NEDD4L: variants seen among roughly 807,000 people sequenced by gnomAD.
NEDD4L encodes E3 ubiquitin-protein ligase NEDD4-like.
A neutral mutation model predicts 148.9 loss-of-function variants in NEDD4L; 54 were observed. That is an observed-to-expected ratio of 0.36 (90% CI 0.29 to 0.45). The LOEUF (loss-of-function observed/expected upper bound fraction) is 0.45, where lower values mean the gene tolerates loss of function less well. NEDD4L is among the 20% of genes least tolerant of loss of function. The pLI, the probability that NEDD4L is intolerant of heterozygous loss-of-function variation, is 1.00. For synonymous variants in NEDD4L, 433 were observed against 440.7 expected (o/e 0.98, Z 0.22); for missense variants, 856 against 1,233.8 (o/e 0.69, Z 4.59).
chr18:58,248,969 A>T, intron 4 of NEDD4L, 32 bp downstream of exon 4: 1 of 1,142,800 alleles, frequency 8.8e-7, no homozygotes, highest in Non-Finnish European at 1.3e-6. Flanking sequence ...AATAATTGTT[A>T]TTGATACGTC....
intron 5 of NEDD4L, among the ~76,000 whole-genome samples, chr18:58,261,752 A>G (rs1285564103): frequency 8.5e-5 from 13 of 152,222 alleles, no homozygotes; most frequent in Admixed American, 6.5e-5. Flanking sequence ...TGGTAATGCT[A>G]CTTGTGCAAC....
At chr18:58,227,550 G>A (rs1341940932) in intron 2 of NEDD4L, among the ~76,000 whole-genome samples, 1 of 152,104 alleles carries the variant, frequency 6.6e-6, no homozygotes, top group African/African-American at 2.4e-5. Context: ...ATTACCAGAC[G>A]TCCCTGCATG....
In NEDD4L at chr18:58,069,475, G is replaced by A. The variant is rs138473772; in HGVS notation, c.48+24767G>A. On this transcript the variant is annotated intron_variant, in intron 1 of 30. Transcript: ENST00000400345. ...TTTGTCAGCTCAGTTTTAGGAAGCA[G>A]TCCTAGGGATTCCCCTGGAAGAAAG... 1.2e-3 allele frequency among the ~76,000 whole-genome samples: 181 copies of A among 152,354 alleles called. 4 individuals are homozygous for A. In the East Asian group the frequency reaches 0.033, roughly 27 times the overall value.
At chr18:58,308,412 G>C (rs991602300) in intron 5 of NEDD4L, among the ~76,000 whole-genome samples, 3 of 152,232 alleles carry the variant, frequency 2.0e-5, no homozygotes, top group African/African-American at 7.2e-5. Context: ...CAGCTGGACA[G>C]CTTTGCAGCA....
chr18:58,290,326 C>G (rs2054541401), intron 5 of NEDD4L, among the ~76,000 whole-genome samples: 2 of 152,222 alleles, frequency 1.3e-5, no homozygotes, highest in Non-Finnish European at 2.9e-5. Flanking sequence ...AAAATAGATC[C>G]ACATTCGTCA....
intron 26 of NEDD4L, among the ~76,000 whole-genome samples, chr18:58,386,834 A>G (rs982575507): frequency 1.3e-5 from 2 of 152,162 alleles, no homozygotes; most frequent in Admixed American, 6.5e-5. Context: ...GGGAGGACAG[A>G]ATGGCAGGTT....
chr18:58,385,460 G>C lies in NEDD4L; in HGVS notation c.2427-66G>C, dbSNP rs142004484. On this transcript the variant is annotated intron_variant, in intron 25 of 30. Transcript: ENST00000400345. Reference sequence around the variant, plus strand: ...GGATGGAGGAGAAGCACTCCCTGTTGCGGAGAAAGCAGTGAGCACTAGTGA... The same window carrying C: ...GGATGGAGGAGAAGCACTCCCTGTTCCGGAGAAAGCAGTGAGCACTAGTGA... The C allele has an allele frequency of 6.2e-3, 7,989 of 1,282,712 alleles. 30 individuals are homozygous for C. The highest frequency in any genetic ancestry group is 7.5e-3 in the Non-Finnish European group (6,602 of 877,328). 79.5% of individuals were successfully genotyped at this position (1,282,712 alleles called of 1,614,324 possible). A position where few individuals can be genotyped will look rare whatever the true frequency, so the allele number is the denominator to read the frequency against.
intron 1 of NEDD4L, among the ~76,000 whole-genome samples, chr18:58,082,102 A>ATATAT: frequency 5.9e-4 from 29 of 48,830 alleles, no homozygotes; most frequent in African/African-American, 3.7e-3. Flanking sequence ...ATATATATAT[A>ATATAT]TTTTTTTTTT....
intron 1 of NEDD4L, among the ~76,000 whole-genome samples, chr18:58,066,629 T>A (rs984122869): frequency 5.9e-5 from 9 of 152,068 alleles, no homozygotes; most frequent in Non-Finnish European, 1.3e-4. Flanking sequence ...AGTCCGTTTT[T>A]ACACTCCTAT....
intron 30 of NEDD4L, among the ~76,000 whole-genome samples, chr18:58,392,936 A>AT (rs2050023349): frequency 6.6e-6 from 1 of 152,312 alleles, no homozygotes; most frequent in Middle Eastern, 3.4e-3. Flanking sequence ...CTTATGAGAT[A>AT]TGTTATTCCC....
At chr18:58,112,171 T>C (rs536192716) in intron 1 of NEDD4L, among the ~76,000 whole-genome samples, 1 of 152,338 alleles carries the variant, frequency 6.6e-6, no homozygotes, top group East Asian at 1.9e-4. Flanking sequence ...TTACCTTCCA[T>C]TACCAGACCT....
chr18:58,371,851 CG>C (rs1445060119), intron 23 of NEDD4L: 1 of 152,230 alleles, frequency 6.6e-6, no homozygotes, highest in Non-Finnish European at 1.5e-5. Flanking sequence ...TTTCTCTTAA[CG>C]TCTAACTTTA....
chr18:58,238,989 ATTAC>A (rs1315591524), intron 2 of NEDD4L, among the ~76,000 whole-genome samples: 1 of 152,184 alleles, frequency 6.6e-6, no homozygotes, highest in Admixed American at 6.5e-5. Context: ...TATAAGTGTT[ATTAC>A]TTTATTGAGG....
In NEDD4L at chr18:58,330,923, T is replaced by C. The variant is rs1601342871; in HGVS notation, c.990+9T>C. On this transcript the variant is annotated intron_variant, in intron 11 of 30. Transcript: ENST00000400345. ...AGTTCAGCTCTTTGATTGTAAGTAG[T>C]GGCCTTGTTTGAAAGAAAAGCTGAG... 6.2e-7 allele frequency: 1 copy of C among 1,611,656 alleles called. No homozygotes were observed. The highest frequency in any genetic ancestry group is 1.1e-5 in the South Asian group (1 of 90,770).
chr18:58,142,620 T>G (rs918995248), intron 1 of NEDD4L, among the ~76,000 whole-genome samples: 1 of 152,216 alleles, frequency 6.6e-6, no homozygotes, highest in African/African-American at 2.4e-5. Flanking sequence ...CACTCTGTTT[T>G]GTAGAAACAA....
chr18:58,386,175 C>T (rs2048991202), intron 26 of NEDD4L, among the ~76,000 whole-genome samples: 1 of 152,142 alleles, frequency 6.6e-6, no homozygotes, highest in African/African-American at 2.4e-5. Context: ...GCCTCAGCCT[C>T]CCAAGTAGCT....
chr18:58,127,577 C>T (rs1166522919), intron 1 of NEDD4L, among the ~76,000 whole-genome samples: 1 of 151,864 alleles, frequency 6.6e-6, no homozygotes, highest in African/African-American at 2.4e-5. Context: ...CGGTGGCTCA[C>T]ACCTGTGATC....
At position 58,246,311 on chromosome 18, in the gene NEDD4L, A is replaced by G. The variant is rs189922405; in HGVS notation, c.204+803A>G. ...AGGAATAGTTTAACTTGAAACAACT[A>G]TTTCTAAAGGAAGCAAAATACTTGG... is the stretch of plus-strand genomic sequence containing the variant. On this transcript the variant is annotated intron_variant, in intron 3 of 30. Transcript: ENST00000400345. 6.0e-4 allele frequency among the ~76,000 whole-genome samples: 91 copies of G among 152,306 alleles called. 1 individual carries two copies. The highest frequency in any genetic ancestry group is 5.1e-4 in the Non-Finnish European group (35 of 68,024).
rs1467481386 is a variant in NEDD4L, at chr18:58,236,078, CA to C, written c.123-9347del. Reference sequence around the variant, plus strand: ...ATAAAAATAAACATAGGTCTTTGGCCAAGTGTAGTGGCTCCCGCCTGTAATC... The same window carrying C: ...ATAAAAATAAACATAGGTCTTTGGCCAGTGTAGTGGCTCCCGCCTGTAATC... On this transcript the variant is annotated intron_variant, in intron 2 of 30. Transcript: ENST00000400345. 3.3e-5 allele frequency among the ~76,000 whole-genome samples: 5 copies of C among 151,750 alleles called. No homozygotes were observed. In the East Asian group the frequency reaches 9.7e-4, roughly 30 times the overall value.
Sources: gnomAD v4.1 joint callset for allele counts (sites outside exome capture counted in the v4.1 genomes callset) on GRCh38, gnomAD v4.1.1 for gene constraint, MANE v1.5 for transcripts, NCBI Gene and HGNC (gene_info 2026-07-23, HGNC 2026-07-21) for gene names.